ROPN1L: variants seen among roughly 807,000 people sequenced by gnomAD.
ROPN1L encodes the protein ropporin-1-like protein.
In ROPN1L, 23 loss-of-function variants were observed where a neutral mutation model predicts 22.7. The observed-to-expected ratio is 1.01, with a 90% confidence interval of 0.73 to 1.43. ROPN1L has a LOEUF of 1.43. Ranked by LOEUF, ROPN1L falls within the 40% of genes most tolerant of loss-of-function variation. ROPN1L has a pLI of 0.00. For synonymous variants in ROPN1L, 116 were observed against 117.8 expected, an observed-to-expected ratio of 0.98 and a Z score of 0.10; for missense variants, 271 against 291.5, an observed-to-expected ratio of 0.93 and a Z score of 0.51.
At chr5:10,481,161 C>A in the ROPN1L span, among the ~76,000 whole-genome samples, 1 of 152,194 alleles carries the variant, frequency 6.6e-6, no homozygotes, top group Non-Finnish European at 1.5e-5. Flanking sequence ...GACTTTGCTA[C>A]TCACAGCACA....
At position 10,448,136 on chromosome 5, in the gene ROPN1L, G is replaced by A. The variant is rs1392163145; in HGVS notation, c.132-124G>A. The A allele has an allele frequency of 2.8e-6, 3 of 1,076,444 alleles. No individual in the cohort carries two copies. The African/African-American group carries it at 4.7e-5, about 17-fold the overall frequency. The allele number at this position is 1,076,444 out of a possible 1,614,324, so 66.7% of individuals were successfully genotyped here. A position where few individuals can be genotyped will look rare whatever the true frequency, so the allele number is the denominator to read the frequency against. On this transcript the variant is annotated intron_variant, in intron 1 of 4. Transcript: ENST00000274134. ...GTGGAGGAACCAGGACATAAGCCCG[G>A]GATGTTGGTCTTCAGAGCTGTCCTT... is the stretch of plus-strand genomic sequence containing the variant.
the ROPN1L span, chr5:10,479,447 A>G: frequency 6.6e-6 from 1 of 152,220 alleles, no homozygotes; most frequent in Non-Finnish European, 1.5e-5. Context: ...CCATTTGGTC[A>G]CGCCTACTTG....
At chr5:10,468,893 C>T (rs1039591489), downstream of ROPN1L, among the ~76,000 whole-genome samples, 4 of 152,230 alleles carry the variant, frequency 2.6e-5, no homozygotes, top group African/African-American at 4.8e-5. Context: ...CAATGGCTCA[C>T]GCCTCTAATC....
At chr5:10,452,227 A>G (rs1308713690) in intron 3 of ROPN1L, among the ~76,000 whole-genome samples, 1 of 148,742 alleles carries the variant, frequency 6.7e-6, no homozygotes, top group African/African-American at 2.5e-5. Context: ...GTGATCTACC[A>G]GCCTCAGGTT....
chr5:10,446,535 T>C (rs1741069980), intron 1 of ROPN1L, among the ~76,000 whole-genome samples: 1 of 152,010 alleles, frequency 6.6e-6, no homozygotes, highest in Non-Finnish European at 1.5e-5. Context: ...GTGATGCACA[T>C]GTGTAATCCC....
chr5:10,442,379 G>C, intron 1 of ROPN1L, 81 bp downstream of exon 1: 1 of 1,559,194 alleles, frequency 6.4e-7, no homozygotes, highest in South Asian at 1.2e-5. Flanking sequence ...CCCGGACCAG[G>C]GGCCTTACGC....
At chr5:10,481,002 G>C in the ROPN1L span, among the ~76,000 whole-genome samples, 1 of 152,070 alleles carries the variant, frequency 6.6e-6, no homozygotes, top group African/African-American at 2.4e-5. Flanking sequence ...AAACACCACA[G>C]TTCCTATGAA....
downstream of ROPN1L, among the ~76,000 whole-genome samples, chr5:10,465,439 T>C (rs1217982445): frequency 5.3e-5 from 8 of 149,812 alleles, no homozygotes; most frequent in African/African-American, 7.4e-5. Context: ...GGTGTGAACC[T>C]GGGAGGCAGA....
intron 4 of ROPN1L, among the ~76,000 whole-genome samples, chr5:10,461,836 C>CA (rs1289333896): frequency 2.6e-5 from 4 of 152,196 alleles, no homozygotes; most frequent in African/African-American, 7.2e-5. Flanking sequence ...TAAAGGCTAC[C>CA]AACAGTCAGA....
chr5:10,442,316 G>T lies in ROPN1L; in HGVS notation c.131+18G>T. ...TCCGCGGGGTAAGCGCCCTTGGCCC[G>T]GGGAGCTGTCCGGTCTACATGCCCA... On this transcript the variant is annotated intron_variant, in intron 1 of 4. Coordinates refer to ENST00000274134, the MANE Select transcript of ROPN1L (RefSeq NM_031916.5). 6.2e-7 allele frequency: 1 copy of T among 1,611,236 alleles called. No homozygotes were observed. Among genetic ancestry groups the T allele is most frequent in the South Asian group, 1.1e-5 (1 of 90,946 alleles).
chr5:10,472,404 G>A (rs1735260028), downstream of ROPN1L, among the ~76,000 whole-genome samples: 1 of 152,244 alleles, frequency 6.6e-6, no homozygotes, highest in Non-Finnish European at 1.5e-5. Context: ...CCTGGCCAAA[G>A]TGATTTGCCC....
chr5:10,465,072 C>A, downstream of ROPN1L: 1 of 514,162 alleles, frequency 1.9e-6, no homozygotes. Flanking sequence ...TTTAGTGTGA[C>A]TGCTTCGTGG....
chr5:10,474,505 G>A (rs1219189437), downstream of ROPN1L, among the ~76,000 whole-genome samples: 4 of 152,204 alleles, frequency 2.6e-5, no homozygotes, highest in Non-Finnish European at 5.9e-5. Flanking sequence ...ACCTCCAGCC[G>A]ACTACCAGCC....
rs560337140 is a variant in ROPN1L, at chr5:10,445,970, C to G, written c.132-2290C>G. On this transcript the variant is annotated intron_variant, in intron 1 of 4. Coordinates refer to ENST00000274134, the MANE Select transcript of ROPN1L (RefSeq NM_031916.5). ...AAAAAGATGAAGCAAGTAGGCATTC[C>G]TCTTTCCTCAGGTTAGGGTTCTTTT... Among the ~76,000 whole-genome samples the G allele has an allele frequency of 5.3e-5, 8 of 152,274 alleles. No individual in the cohort carries two copies. The South Asian group carries it at 1.7e-3, about 32-fold the overall frequency.
Position 10,442,280 on chromosome 5 carries a change from T to A in ROPN1L, c.113T>A (p.Val38Glu). The A allele has an allele frequency of 6.2e-7, 1 of 1,613,494 alleles. No individual in the cohort carries two copies. The highest frequency in any genetic ancestry group is 8.5e-7 in the Non-Finnish European group (1 of 1,179,864). ...KAAIRTQPAD[V>E]LRWSAGYFSA... The stretch of plus-strand genomic sequence containing the variant: ...GCCATCCGCACCCAGCCGGCCGACG[T>A]GCTGCGGTGGTCCGCGGGGTAAGCG... The change falls in exon 1 of 5, where the codon GTG becomes GAG. Residue 38 changes from valine (V) to glutamate (E), a missense_variant. Transcript: ENST00000274134.
At chr5:10,459,764 GC>G (rs2126461595) in intron 3 of ROPN1L, among the ~76,000 whole-genome samples, 3 of 152,316 alleles carry the variant, frequency 2.0e-5, no homozygotes, top group Admixed American at 2.0e-4. Context: ...CTGCCTGCCT[GC>G]TGCTCCAGGC....
At chr5:10,455,557 C>T (rs982757396) in intron 3 of ROPN1L, among the ~76,000 whole-genome samples, 4 of 152,216 alleles carry the variant, frequency 2.6e-5, no homozygotes, top group South Asian at 2.1e-4. Flanking sequence ...TTGCCCTGTC[C>T]GCTGGAGATT....
the ROPN1L span, among the ~76,000 whole-genome samples, chr5:10,480,533 GA>G: frequency 6.6e-5 from 10 of 152,210 alleles, no homozygotes; most frequent in Admixed American, 3.3e-4. Flanking sequence ...GTGGGTCGGT[GA>G]GGCGGGGGCA....
At chr5:10,456,789 C>T (rs946895808) in intron 3 of ROPN1L, among the ~76,000 whole-genome samples, 1 of 152,184 alleles carries the variant, frequency 6.6e-6, no homozygotes, top group Non-Finnish European at 1.5e-5. Flanking sequence ...AGTGTCATCA[C>T]GCCTTTGCAG....
Sources: gnomAD v4.1 joint callset for allele counts (sites outside exome capture counted in the v4.1 genomes callset) on GRCh38, gnomAD v4.1.1 for gene constraint, MANE v1.5 for transcripts, NCBI Gene and HGNC (gene_info 2026-07-23, HGNC 2026-07-21) for gene names.